Variants in LEF1 observed in about 807,000 individuals in gnomAD.
LEF1 encodes the protein lymphoid enhancer-binding factor 1.
Under a neutral mutation model 51.2 loss-of-function variants are expected in LEF1, and 14 were observed. The ratio of observed to expected loss-of-function variants is 0.27; its 90% confidence interval spans 0.18 to 0.43. The LOEUF is 0.43. Among genes scored for constraint, LEF1 ranks in the 20% least tolerant of loss-of-function variants. The probability of loss-of-function intolerance (pLI) is 1.00; values close to 1 mark genes in which losing one functional copy is unlikely to be tolerated. For synonymous variants in LEF1, 185 were observed against 183.2 expected, an observed-to-expected ratio of 1.01 and a Z score of -0.08; for missense variants, 386 against 512.0, an observed-to-expected ratio of 0.75 and a Z score of 2.37.
chr4:108,053,483 G>A (rs143048533), intron 11 of LEF1, among the ~76,000 whole-genome samples: 1 of 152,290 alleles, frequency 6.6e-6, no homozygotes, highest in Non-Finnish European at 1.5e-5. Context: ...AGGGGTCATT[G>A]CCACTCCTGG....
chr4:108,132,136 T>C (rs1742937355), intron 3 of LEF1, among the ~76,000 whole-genome samples: 1 of 152,160 alleles, frequency 6.6e-6, no homozygotes, highest in Non-Finnish European at 1.5e-5. Context: ...AAAGAATTTA[T>C]TTCATATTCA....
chr4:108,129,354 T>C (rs1742728456), intron 3 of LEF1, among the ~76,000 whole-genome samples: 1 of 152,208 alleles, frequency 6.6e-6, no homozygotes, highest in South Asian at 2.1e-4. Context: ...TCTTTACCTC[T>C]AGCATTCCAA....
Position 108,081,514 on chromosome 4 carries a change from C to T in LEF1, c.722+72G>A, listed in dbSNP as rs1739302827. 24 of 1,242,860 alleles carry T rather than the reference C, an allele frequency of 1.9e-5. 1 individual carries two copies. In the Admixed American group the frequency reaches 3.8e-4, roughly 20 times the overall value. The allele number at this position is 1,242,860 out of a possible 1,614,324, so 77.0% of individuals were successfully genotyped here. On this transcript the variant is annotated intron_variant, in intron 6 of 11. Transcript: ENST00000265165. ...CCCTCCTAGCCAACCAAAAGGCAAG[C>T]AGAGGCGCACAGGATGCAAGCACGA... is the stretch of plus-strand genomic sequence containing the variant.
intron 3 of LEF1, among the ~76,000 whole-genome samples, chr4:108,141,141 T>C (rs987079596): frequency 2.0e-5 from 3 of 152,222 alleles, no homozygotes; most frequent in African/African-American, 7.2e-5. Flanking sequence ...TAAATTCACT[T>C]TCCTTCTCTC....
chr4:108,092,307 T>C (rs182078006), intron 3 of LEF1, among the ~76,000 whole-genome samples: 38 of 152,364 alleles, frequency 2.5e-4, no homozygotes, highest in Non-Finnish European at 4.7e-4. Context: ...ATGTCCATTT[T>C]TGTGGCCAAA....
chr4:108,109,123 G>C (rs1445871724), intron 3 of LEF1, among the ~76,000 whole-genome samples: 3 of 152,190 alleles, frequency 2.0e-5, no homozygotes, highest in Non-Finnish European at 2.9e-5. Context: ...ATCTGCTGTG[G>C]GCATGCAATC....
At chr4:108,104,290 G>C (rs1000161834) in intron 3 of LEF1, among the ~76,000 whole-genome samples, 2 of 151,858 alleles carry the variant, frequency 1.3e-5, no homozygotes, top group East Asian at 1.9e-4. Flanking sequence ...CAGATACCGG[G>C]TTTCTGTTTG....
At chr4:108,095,758 G>T (rs1412020552) in intron 3 of LEF1, among the ~76,000 whole-genome samples, 3 of 152,162 alleles carry the variant, frequency 2.0e-5, no homozygotes, top group African/African-American at 7.2e-5. Flanking sequence ...ACCTAAGTTA[G>T]GTGTTAAGAT....
intron 11 of LEF1, among the ~76,000 whole-genome samples, chr4:108,051,192 T>A (rs1736966431): frequency 6.6e-6 from 1 of 152,124 alleles, no homozygotes; most frequent in Admixed American, 6.5e-5. Context: ...TCCTGGAAAG[T>A]TGGCTTCAGA....
At position 108,048,069 on chromosome 4, in the gene LEF1, TC is replaced by T. The variant is rs1452669421; in HGVS notation, c.*688del. On this transcript the variant is annotated 3_prime_UTR_variant, in exon 12 of 12. Transcript: ENST00000265165. ...CAAGCTGTCTCAGAAAAAGAAGGCTTCTTTTTATGTCATTATTTCAAACTTT... is the reference window on the plus strand; with the variant it reads ...CAAGCTGTCTCAGAAAAAGAAGGCTTTTTTTATGTCATTATTTCAAACTTT... The T allele has an allele frequency of 6.6e-6, 1 of 152,594 alleles. No individual in the cohort carries two copies. Among genetic ancestry groups the T allele is most frequent in the African/African-American group, 2.4e-5 (1 of 41,446 alleles). The allele number at this position is 152,594 out of a possible 1,614,324, so 9.5% of individuals were successfully genotyped here.
At chr4:108,145,186 C>A (rs868684442) in intron 3 of LEF1, among the ~76,000 whole-genome samples, 1 of 152,104 alleles carries the variant, frequency 6.6e-6, no homozygotes, top group African/African-American at 2.4e-5. Flanking sequence ...GCCACTGGGG[C>A]CCCCGTTTGC....
At chr4:108,158,418 A>AAG (rs145164137) in intron 3 of LEF1, among the ~76,000 whole-genome samples, 30,375 of 150,224 alleles carry the variant, frequency 0.2, 4,315 homozygotes, top group East Asian at 0.63. Flanking sequence ...CCCTTAAAAA[A>AAG]AGAGAGAGAG....
At chr4:108,083,534 T>A in intron 4 of LEF1, 88 bp from the exon 5 acceptor site, 1 of 768,946 alleles carries the variant, frequency 1.3e-6, no homozygotes, top group Non-Finnish European at 2.1e-6. Context: ...CATTCATACT[T>A]AAGGTTCAGA....
intron 3 of LEF1, among the ~76,000 whole-genome samples, chr4:108,112,261 C>T (rs1450243289): frequency 1.3e-5 from 2 of 152,230 alleles, no homozygotes; most frequent in East Asian, 3.9e-4. Context: ...GAGGTCTCTG[C>T]TTCTGTAAGC....
intron 11 of LEF1, among the ~76,000 whole-genome samples, chr4:108,062,689 A>C (rs1737777827): frequency 1.3e-5 from 2 of 152,234 alleles, no homozygotes; most frequent in Non-Finnish European, 2.9e-5. Flanking sequence ...GCCTGGAGGC[A>C]GAAAAATTAT....
intron 3 of LEF1, among the ~76,000 whole-genome samples, chr4:108,122,396 G>C (rs1742236358): frequency 6.6e-6 from 1 of 151,452 alleles, no homozygotes; most frequent in Non-Finnish European, 1.5e-5. Flanking sequence ...TTTTCCTTTT[G>C]GTCTCTATAA....
At chr4:108,111,710 G>A (rs373530767) in intron 3 of LEF1, among the ~76,000 whole-genome samples, 11 of 152,234 alleles carry the variant, frequency 7.2e-5, no homozygotes, top group South Asian at 2.1e-4. Flanking sequence ...TCAGGAGTTC[G>A]AAACCAGCCT....
intron 8 of LEF1, among the ~76,000 whole-genome samples, chr4:108,076,012 T>C (rs1033396062): frequency 6.0e-5 from 5 of 83,172 alleles, no homozygotes; most frequent in Non-Finnish European, 1.4e-4. Context: ...CCCAAAGGCC[T>C]TGCTGTAGCT....
intron 3 of LEF1, among the ~76,000 whole-genome samples, chr4:108,155,289 C>T (rs148070876): frequency 6.6e-6 from 1 of 152,232 alleles, no homozygotes; most frequent in African/African-American, 2.4e-5. Context: ...GAAATCTGTT[C>T]CCTCATACGT....
Sources: gnomAD v4.1 joint callset for allele counts (sites outside exome capture counted in the v4.1 genomes callset) on GRCh38, gnomAD v4.1.1 for gene constraint, MANE v1.5 for transcripts, NCBI Gene and HGNC (gene_info 2026-07-23, HGNC 2026-07-21) for gene names.